CDH17: variants seen among roughly 807,000 people sequenced by gnomAD.
CDH17 encodes the protein cadherin-17.
CDH17 carries 67 observed loss-of-function variants against 86.3 expected under a neutral mutation model. The ratio of observed to expected loss-of-function variants is 0.78; its 90% CI spans 0.64 to 0.95. The LOEUF (loss-of-function observed/expected upper bound fraction) is 0.95, where lower values mean the gene tolerates loss of function less well. Ranked by LOEUF, CDH17 falls within the 40% of genes least tolerant of loss-of-function variation. CDH17 has a pLI of 0.00. For missense variants in CDH17, 993 were observed against 1,017.6 expected, an observed-to-expected ratio of 0.98 and a Z score of 0.33; for synonymous variants, 367 against 366.4, an observed-to-expected ratio of 1.00 and a Z score of -0.02.
intron 2 of CDH17, among the ~76,000 whole-genome samples, chr8:94,193,374 A>G (rs553660279): frequency 1.3e-5 from 2 of 152,344 alleles, no homozygotes; most frequent in East Asian, 3.9e-4. Flanking sequence ...AACACTTAAA[A>G]TGCTGTAGTA....
At position 94,151,922 on chromosome 8, in the gene CDH17, A is replaced by G. The variant is rs1812862882; in HGVS notation, c.1742T>C (p.Ile581Thr). 1.9e-6 allele frequency: 3 copies of G among 1,614,076 alleles called. No individual in the cohort carries two copies. The highest frequency in any genetic ancestry group is 1.1e-5 in the South Asian group (1 of 91,090). Residue 581 changes from isoleucine (I) to threonine (T), a missense_variant, in exon 13 of 18, where the codon ATA becomes ACA. Coordinates refer to ENST00000027335, the MANE Select transcript of CDH17 (RefSeq NM_004063.4). ...AGTCACATTGCCCACTTTAGTGCCT[A>G]TAGCTACATCCTCACTGACTTTCGC... Reference protein sequence around the residue: ...FQAKVSEDVAIGTKVGNVTAK... With the variant: ...FQAKVSEDVATGTKVGNVTAK...
chr8:94,143,157 C>T (rs1272560724), intron 15 of CDH17, among the ~76,000 whole-genome samples: 1 of 152,212 alleles, frequency 6.6e-6, no homozygotes, highest in Non-Finnish European at 1.5e-5. Context: ...ACTCCTTGAT[C>T]TGGGGCCTGC....
At chr8:94,159,088 C>T (rs982571541) in intron 12 of CDH17, among the ~76,000 whole-genome samples, 13 of 152,070 alleles carry the variant, frequency 8.5e-5, no homozygotes, top group South Asian at 2.1e-4. Context: ...GTACATTGGA[C>T]GGCATTGAGT....
rs1812863448 is a variant in CDH17 at position 94,151,933 on chromosome 8, C to T, written c.1731G>A (p.Glu577=). ...SQHVFQAKVS[E]DVAIGTKVGN... is the part of the protein sequence containing the mutation. ...CCACTTTAGTGCCTATAGCTACATC[C>T]TCACTGACTTTCGCTTGGAATACGT... Residue 577 remains glutamate, a synonymous_variant, in exon 13 of 18, where the codon GAG becomes GAA. Coordinates refer to ENST00000027335, the MANE Select transcript of CDH17 (RefSeq NM_004063.4). 2 of 1,614,078 alleles carry T rather than the reference C, an allele frequency of 1.2e-6. No homozygotes were observed. The highest frequency in any genetic ancestry group is 2.2e-5 in the South Asian group (2 of 91,094).
rs118084445 is a variant in CDH17, at chr8:94,169,083, A to C, written c.1066+1314T>G. Among the ~76,000 whole-genome samples the C allele has an allele frequency of 1.3e-3, 203 of 152,270 alleles. 5 individuals carry two copies. The East Asian group carries it at 0.037, about 28-fold the overall frequency. On this transcript the variant is annotated intron_variant, in intron 9 of 17. Transcript: ENST00000027335. ...ATCTGTTTTGCAGAAATAGGTAACA[A>C]ATAGACTATATGATTGGCCCAATGT...
intron 17 of CDH17, among the ~76,000 whole-genome samples, chr8:94,128,770 C>T (rs1484038408): frequency 1.3e-5 from 2 of 152,168 alleles, no homozygotes; most frequent in Non-Finnish European, 2.9e-5. Context: ...AAGCTGTTCT[C>T]TGACCTGTTC....
intron 1 of CDH17, among the ~76,000 whole-genome samples, chr8:94,195,990 G>A (rs769210306): frequency 1.1e-4 from 16 of 151,872 alleles, no homozygotes; most frequent in Non-Finnish European, 1.5e-4. Context: ...TCAATCTCCC[G>A]ACCTCGTGAT....
At chr8:94,181,702 C>T (rs913965345) in intron 3 of CDH17, among the ~76,000 whole-genome samples, 1 of 149,826 alleles carries the variant, frequency 6.7e-6, no homozygotes, top group South Asian at 2.1e-4. Flanking sequence ...TCCCAAAGAA[C>T]CTAATCTTCT....
chr8:94,189,324 A>G (rs935678715), intron 2 of CDH17, 39 bp from the exon 3 acceptor site: 9 of 1,427,162 alleles, frequency 6.3e-6, no homozygotes, highest in Middle Eastern at 1.8e-4. Flanking sequence ...TCTTGTATGA[A>G]GTGTCTGTGT....
chr8:94,213,513 C>T (rs1444757654), upstream of CDH17, among the ~76,000 whole-genome samples: 6 of 152,314 alleles, frequency 3.9e-5, no homozygotes, highest in Admixed American at 6.5e-5. Context: ...TTCCCTCAGA[C>T]ATTTTTTTCT....
In CDH17 at chr8:94,146,010, C is replaced by G. The variant is rs758016278; in HGVS notation, c.2085G>C (p.Gln695His). 6.2e-7 allele frequency: 1 copy of G among 1,613,814 alleles called. No individual in the cohort carries two copies. The highest frequency in any genetic ancestry group is 8.5e-7 in the Non-Finnish European group (1 of 1,179,922). Residue 695 changes from glutamine to histidine, a missense_variant, in exon 15 of 18, where the codon CAG becomes CAC. Physicochemically the swap from Gln to His is conservative, Grantham distance 24. Coordinates refer to ENST00000027335, the MANE Select transcript of CDH17 (RefSeq NM_004063.4). The part of the protein sequence containing the change: ...SLIFEATDDD[Q>H]HLFRGPHFTF... ...TAAAATGGGGACCCCGAAATAAGTGCTGATCATCATCAGTAGCCTCGAAAA... is the reference window on the plus strand; with the variant it reads ...TAAAATGGGGACCCCGAAATAAGTGGTGATCATCATCAGTAGCCTCGAAAA...
intron 3 of CDH17, among the ~76,000 whole-genome samples, chr8:94,188,953 G>A (rs1453014796): frequency 1.3e-5 from 2 of 152,100 alleles, no homozygotes; most frequent in Non-Finnish European, 2.9e-5. Flanking sequence ...CCCTGCAGAG[G>A]GCTGGGAGCA....
At chr8:94,172,753 G>C (rs1000414727) in intron 7 of CDH17, among the ~76,000 whole-genome samples, 4 of 152,140 alleles carry the variant, frequency 2.6e-5, no homozygotes, top group Non-Finnish European at 4.4e-5. Flanking sequence ...TCTGGGTGGA[G>C]TCCAGAGTGA....
At chr8:94,203,483 G>A (rs1021914710) in intron 1 of CDH17, among the ~76,000 whole-genome samples, 8 of 152,072 alleles carry the variant, frequency 5.3e-5, no homozygotes, top group South Asian at 2.1e-4. Context: ...TGCTAAGAGC[G>A]GCATAAATTA....
At chr8:94,197,829 T>TAAAAAAAA (rs34799637) in intron 1 of CDH17, among the ~76,000 whole-genome samples, 10 of 121,386 alleles carry the variant, frequency 8.2e-5, no homozygotes, top group Admixed American at 1.8e-4. Context: ...AGACTCTGTC[T>TAAAAAAAA]AAAAAAAAAA....
At position 94,194,702 on chromosome 8, in the gene CDH17, A is replaced by G. The variant is rs988094618; in HGVS notation, c.-17T>C. 4.5e-6 allele frequency: 7 copies of G among 1,570,988 alleles called. No homozygotes were observed. The Admixed American group carries it at 5.3e-5, about 12-fold the overall frequency. On this transcript the variant is annotated 5_prime_UTR_variant, in exon 2 of 18. Coordinates refer to ENST00000027335, the MANE Select transcript of CDH17 (RefSeq NM_004063.4). ...AAGTATCATAGTTTTCTTTATTCAA[A>G]TTCCTGTGAAGGAACCAGATAAAAA...
chr8:94,156,459 T>A (rs1308261289), intron 12 of CDH17, among the ~76,000 whole-genome samples: 1 of 152,184 alleles, frequency 6.6e-6, no homozygotes, highest in Non-Finnish European at 1.5e-5. Flanking sequence ...CAGGCAGGGC[T>A]CAAAGAAATA....
At chr8:94,145,865 G>A in intron 15 of CDH17, 63 bp downstream of exon 15, 1 of 1,539,842 alleles carries the variant, frequency 6.5e-7, no homozygotes, top group South Asian at 1.2e-5. Context: ...AACCCACCAA[G>A]TTAAATAAAA....
chr8:94,128,793 C>A (rs570873507), intron 17 of CDH17, among the ~76,000 whole-genome samples: 1 of 152,196 alleles, frequency 6.6e-6, no homozygotes, highest in Non-Finnish European at 1.5e-5. Flanking sequence ...CTCCCTGAAG[C>A]TGATTTTCAT....
Sources: gnomAD v4.1 joint callset for allele counts (sites outside exome capture counted in the v4.1 genomes callset) on GRCh38, gnomAD v4.1.1 for gene constraint, MANE v1.5 for transcripts, NCBI Gene and HGNC (gene_info 2026-07-23, HGNC 2026-07-21) for gene names.